The following DCC variants were observed in gnomAD, a reference collection of about 807,000 sequenced individuals.
The protein encoded by DCC is netrin receptor DCC.
Under a neutral mutation model 172.5 loss-of-function variants are expected in DCC, and 58 were observed. The ratio of observed to expected loss-of-function variants is 0.34; its 90% CI spans 0.27 to 0.42. DCC has a LOEUF of 0.42. Ranked by LOEUF, DCC falls within the 10% of genes least tolerant of loss-of-function variation. DCC has a pLI of 1.00. For missense variants in DCC, 1,740 were observed against 1,791.0 expected, an observed-to-expected ratio of 0.97 and a Z score of 0.51; for synonymous variants, 709 against 644.5, an observed-to-expected ratio of 1.10 and a Z score of -1.52.
chr18:53,216,836 A>G (rs1361277834), intron 12 of DCC, among the ~76,000 whole-genome samples: 1 of 152,188 alleles, frequency 6.6e-6, no homozygotes, highest in Non-Finnish European at 1.5e-5. Context: ...AAGGAAAATA[A>G]TCAAAAATTA....
At chr18:53,402,750 C>A in intron 18 of DCC, 36 bp from the exon 19 acceptor site, 1 of 1,381,352 alleles carries the variant, frequency 7.2e-7, no homozygotes, top group Non-Finnish European at 1.0e-6. Flanking sequence ...TCTTTCACAT[C>A]CAATGACAAG....
At chr18:52,594,492 T>C (rs2033867313) in intron 1 of DCC, among the ~76,000 whole-genome samples, 1 of 152,204 alleles carries the variant, frequency 6.6e-6, no homozygotes, top group Non-Finnish European at 1.5e-5. Flanking sequence ...TGAAACCTCA[T>C]TGTTCCATTT....
At chr18:52,810,958 G>A (rs2038185996) in intron 2 of DCC, among the ~76,000 whole-genome samples, 1 of 152,154 alleles carries the variant, frequency 6.6e-6, no homozygotes. Context: ...TTCAGCATCT[G>A]AAATATAATG....
chr18:52,832,400 A>G lies in DCC; in HGVS notation c.413-73644A>G, dbSNP rs547511488. Among the ~76,000 whole-genome samples, 5 of 152,000 alleles carry G rather than the reference A, an allele frequency of 3.3e-5. No homozygotes were observed. In the East Asian group the frequency reaches 9.7e-4, roughly 30 times the overall value. On this transcript the variant is annotated intron_variant, in intron 2 of 28. Transcript: ENST00000442544. ...TTGGGGATCAAACTCCTTTTAAAGA[A>G]TTAGGATTATAAATAATACCTATCA...
chr18:52,775,183 G>T (rs2037407518), intron 2 of DCC, among the ~76,000 whole-genome samples: 1 of 152,132 alleles, frequency 6.6e-6, no homozygotes, highest in South Asian at 2.1e-4. Context: ...CTCGCAGGGT[G>T]TGTGACATGG....
chr18:53,080,541 G>T (rs145657764), intron 7 of DCC, among the ~76,000 whole-genome samples: 3 of 152,082 alleles, frequency 2.0e-5, no homozygotes, highest in Non-Finnish European at 4.4e-5. Flanking sequence ...TCCAAAACAT[G>T]CAATTGAGAA....
intron 19 of DCC, among the ~76,000 whole-genome samples, chr18:53,407,209 T>G (rs919152870): frequency 1.3e-5 from 2 of 152,094 alleles, no homozygotes; most frequent in African/African-American, 4.8e-5. Context: ...ATTTTCCAGT[T>G]TCATCATGCA....
intron 1 of DCC, among the ~76,000 whole-genome samples, chr18:52,532,125 A>G (rs1215338707): frequency 1.3e-5 from 2 of 152,156 alleles, no homozygotes; most frequent in Admixed American, 6.5e-5. Context: ...TTTTGCATGC[A>G]TATTAAGGAC....
intron 1 of DCC, among the ~76,000 whole-genome samples, chr18:52,479,590 C>T (rs1221970): frequency 6.0e-5 from 8 of 134,092 alleles, no homozygotes; most frequent in African/African-American, 1.4e-4. Flanking sequence ...ACCCCCCCCC[C>T]GTCTCCCTTC....
intron 17 of DCC, among the ~76,000 whole-genome samples, chr18:53,393,852 C>G (rs1022823196): frequency 2.0e-5 from 3 of 150,482 alleles, no homozygotes; most frequent in Admixed American, 2.0e-4. Context: ...TGTTCCTCTT[C>G]CCTTCATCCT....
At chr18:52,536,968 C>T (rs916826563) in intron 1 of DCC, among the ~76,000 whole-genome samples, 46 of 152,114 alleles carry the variant, frequency 3.0e-4, no homozygotes, top group African/African-American at 1.1e-3. Context: ...CAGTGCAGTG[C>T]CTTTTTTATT....
At chr18:52,496,306 A>G (rs2030747292) in intron 1 of DCC, among the ~76,000 whole-genome samples, 1 of 152,180 alleles carries the variant, frequency 6.6e-6, no homozygotes, top group Non-Finnish European at 1.5e-5. Context: ...ACATCAATAA[A>G]AACAACAAAA....
intron 5 of DCC, among the ~76,000 whole-genome samples, chr18:53,008,485 CT>C (rs1340092100): frequency 5.3e-5 from 8 of 151,766 alleles, no homozygotes. Context: ...AATTAGAAAC[CT>C]TTTTTGTTCT....
chr18:53,067,998 A>C (rs1368662240), intron 7 of DCC, among the ~76,000 whole-genome samples: 1 of 152,202 alleles, frequency 6.6e-6, no homozygotes, highest in East Asian at 1.9e-4. Flanking sequence ...TGAAATAAAA[A>C]TAAAATAACT....
chr18:52,682,325 C>T (rs553655626), intron 1 of DCC, among the ~76,000 whole-genome samples: 11 of 152,094 alleles, frequency 7.2e-5, no homozygotes, highest in African/African-American at 1.2e-4. Flanking sequence ...AGAGCAACAA[C>T]GAGAAAAATA....
chr18:52,906,470 G>A (rs934303852), intron 3 of DCC, 142 bp downstream of exon 3: 1 of 911,084 alleles, frequency 1.1e-6, no homozygotes, highest in East Asian at 2.7e-5. Flanking sequence ...TTTCTTCCTT[G>A]CCGAAGCATT....
At chr18:52,766,242 T>C (rs140545414) in intron 2 of DCC, among the ~76,000 whole-genome samples, 344 of 152,342 alleles carry the variant, frequency 2.3e-3, no homozygotes, top group African/African-American at 7.7e-3. Context: ...GCAAACTCTA[T>C]GCAGGCCCCA....
chr18:53,427,879 C>G (rs542854246), intron 21 of DCC, among the ~76,000 whole-genome samples: 1 of 28,528 alleles, frequency 3.5e-5, no homozygotes. Context: ...TAAATATATA[C>G]ATATATAATA....
chr18:52,898,967 T>C (rs2039772089), intron 2 of DCC, among the ~76,000 whole-genome samples: 1 of 152,128 alleles, frequency 6.6e-6, no homozygotes, highest in Non-Finnish European at 1.5e-5. Context: ...ATTCAAAACG[T>C]CTACTGATTT....
Sources: gnomAD v4.1 joint callset for allele counts (sites outside exome capture counted in the v4.1 genomes callset) on GRCh38, gnomAD v4.1.1 for gene constraint, MANE v1.5 for transcripts, NCBI Gene and HGNC (gene_info 2026-07-23, HGNC 2026-07-21) for gene names.